The following NRG1 variants were observed in gnomAD, a reference collection of about 807,000 sequenced individuals.
The protein encoded by NRG1 is pro-neuregulin-1, membrane-bound isoform.
Under a neutral mutation model 63.8 loss-of-function variants are expected in NRG1, and 18 were observed. That is an observed-to-expected ratio of 0.28 (90% CI 0.19 to 0.42). The LOEUF (loss-of-function observed/expected upper bound fraction) is 0.42. Ranked by LOEUF, NRG1 falls within the 10% of genes least tolerant of loss-of-function variation. The pLI, the probability that NRG1 is intolerant of heterozygous loss-of-function variation, is 1.00. For missense variants in NRG1, 762 were observed against 814.7 expected, an observed-to-expected ratio of 0.94 and a Z score of 0.79; for synonymous variants, 302 against 301.3, an observed-to-expected ratio of 1.00 and a Z score of -0.02.
chr8:32,559,716 G>T (rs11777396), intron 1 of NRG1, among the ~76,000 whole-genome samples: 30,211 of 151,768 alleles, frequency 0.2, 3,828 homozygotes, highest in Admixed American at 0.33. Context: ...GTGTTTCAAG[G>T]CCATGCATGG....
chr8:32,718,597 G>A (rs1819841642), intron 5 of NRG1, among the ~76,000 whole-genome samples: 1 of 152,066 alleles, frequency 6.6e-6, no homozygotes, highest in Admixed American at 6.6e-5. Flanking sequence ...TGGTATGGTT[G>A]CATTATTATT....
chr8:32,019,705 A>G (rs1563686593), intron 1 of NRG1, among the ~76,000 whole-genome samples: 1 of 152,182 alleles, frequency 6.6e-6, no homozygotes. Context: ...ACTTTTAATT[A>G]TGATATGCAA....
chr8:31,773,061 C>A (rs541267189), intron 1 of NRG1, among the ~76,000 whole-genome samples: 21 of 152,182 alleles, frequency 1.4e-4, no homozygotes, highest in Non-Finnish European at 2.2e-4. Flanking sequence ...GAAGTCTACT[C>A]TAATGCAGAA....
chr8:31,893,728 CTT>C (rs1831334877), intron 1 of NRG1, among the ~76,000 whole-genome samples: 2 of 151,838 alleles, frequency 1.3e-5, no homozygotes, highest in East Asian at 3.9e-4. Flanking sequence ...TAATAGCTGA[CTT>C]GTGGTCTGTA....
At position 32,680,387 on chromosome 8, in the gene NRG1, T is replaced by C. The variant is rs529982728; in HGVS notation, c.503-47562T>C. Among the ~76,000 whole-genome samples, 10 of 152,300 alleles carry C rather than the reference T, an allele frequency of 6.6e-5. No homozygotes were observed. In the East Asian group the frequency reaches 1.9e-3, roughly 29 times the overall value. On this transcript the variant is annotated intron_variant, in intron 5 of 11. Transcript: ENST00000356819. ...CTAAAACCAGGAAAGTCCAGGCAAG[T>C]GCTGAGTGGATCAGGCTACATAGAT...
At chr8:32,694,131 G>A (rs1419548200) in intron 5 of NRG1, among the ~76,000 whole-genome samples, 1 of 152,088 alleles carries the variant, frequency 6.6e-6, no homozygotes, top group Non-Finnish European at 1.5e-5. Flanking sequence ...GAGGGTAGAT[G>A]GTCTTCTAAC....
At chr8:31,926,824 C>A (rs776389) in intron 1 of NRG1, among the ~76,000 whole-genome samples, 125,121 of 152,022 alleles carry the variant, frequency 0.82, 52,407 homozygotes, top group Non-Finnish European at 0.9. Flanking sequence ...TTCTATGTGG[C>A]TTCATCACTG....
chr8:31,724,839 C>T (rs1014827854), intron 1 of NRG1, among the ~76,000 whole-genome samples: 4 of 152,028 alleles, frequency 2.6e-5, no homozygotes, highest in African/African-American at 7.2e-5. Context: ...TTGTAAATTA[C>T]AGCATTCTAG....
At chr8:32,249,919 T>C (rs1244769624) in intron 1 of NRG1, among the ~76,000 whole-genome samples, 2 of 151,958 alleles carry the variant, frequency 1.3e-5, no homozygotes, top group Non-Finnish European at 1.5e-5. Flanking sequence ...TGGGGTTCTA[T>C]AGGGGCAAGA....
chr8:32,004,503 G>A (rs1419828141), intron 1 of NRG1, among the ~76,000 whole-genome samples: 1 of 151,576 alleles, frequency 6.6e-6, no homozygotes, highest in Non-Finnish European at 1.5e-5. Flanking sequence ...GGAGGGTGGG[G>A]GCTGGGGGAA....
At chr8:31,696,107 G>C (rs542153000) in intron 1 of NRG1, among the ~76,000 whole-genome samples, 1 of 152,012 alleles carries the variant, frequency 6.6e-6, no homozygotes, top group African/African-American at 2.4e-5. Context: ...TTACTCTGTC[G>C]CCCAGGCTGG....
At chr8:32,185,989 G>C (rs2132143345) in intron 1 of NRG1, among the ~76,000 whole-genome samples, 2 of 152,264 alleles carry the variant, frequency 1.3e-5, no homozygotes, top group Middle Eastern at 6.8e-3. Flanking sequence ...TTACTGTTCT[G>C]AGGTTAGATC....
rs886860094 is a variant in NRG1, at chr8:31,815,855, G to T, written c.37+176424G>T. 5.3e-5 allele frequency among the ~76,000 whole-genome samples: 8 copies of T among 151,852 alleles called. 1 individual carries two copies. Among genetic ancestry groups the T allele is most frequent in the Middle Eastern group, 6.8e-3 (2 of 294 alleles). Reference sequence around the variant, plus strand: ...TTCTGAGTTTTTTTTTCTTTTGTTAGTAATGGGTGTGAGTGGTATCTCATA... The same window carrying T: ...TTCTGAGTTTTTTTTTCTTTTGTTATTAATGGGTGTGAGTGGTATCTCATA... On this transcript the variant is annotated intron_variant, in intron 1 of 10. Coordinates refer to the NRG1 transcript ENST00000519301.
In NRG1 at chr8:31,921,989, T is replaced by C. The variant is rs140099233; in HGVS notation, c.37+282558T>C. The stretch of plus-strand genomic sequence containing the variant: ...CAGCTGATGTTTCCCTGAACACACA[T>C]TGTGATCATTTACTATTTCCTAAGT... On this transcript the variant is annotated intron_variant, in intron 1 of 10. Coordinates refer to the NRG1 transcript ENST00000519301. 3.9e-4 allele frequency among the ~76,000 whole-genome samples: 60 copies of C among 152,292 alleles called. 1 individual carries two copies. Among genetic ancestry groups the C allele is most frequent in the African/African-American group, 1.3e-3 (54 of 41,560 alleles).
chr8:32,025,806 G>A (rs1427993638), intron 1 of NRG1, among the ~76,000 whole-genome samples: 1 of 151,440 alleles, frequency 6.6e-6, no homozygotes, highest in Non-Finnish European at 1.5e-5. Context: ...AAATTAGCCG[G>A]GCCTGGTGGC....
chr8:32,369,473 G>A lies in NRG1; in HGVS notation c.38-226355G>A, dbSNP rs369281744. Among the ~76,000 whole-genome samples, 179 of 152,360 alleles carry A rather than the reference G, an allele frequency of 1.2e-3. 1 individual carries two copies. The highest frequency in any genetic ancestry group is 3.3e-3 in the South Asian group (16 of 4,834). The stretch of plus-strand genomic sequence containing the variant: ...ACTGTTCTCTGAGAACAGGTATTGA[G>A]AAGAAGATGGTTTCCTCTTGGAACT... On this transcript the variant is annotated intron_variant, in intron 1 of 10. Coordinates refer to the NRG1 transcript ENST00000519301.
chr8:32,735,354 T>C (rs1824747333), intron 6 of NRG1, among the ~76,000 whole-genome samples: 1 of 152,222 alleles, frequency 6.6e-6, no homozygotes, highest in Non-Finnish European at 1.5e-5. Context: ...TATTCAACGT[T>C]GTATTCATAA....
chr8:31,926,653 T>A (rs1200217843), intron 1 of NRG1, among the ~76,000 whole-genome samples: 3 of 152,180 alleles, frequency 2.0e-5, no homozygotes, highest in Non-Finnish European at 1.5e-5. Flanking sequence ...CAGGCCCTTT[T>A]CAGCTCCAAT....
intron 1 of NRG1, among the ~76,000 whole-genome samples, chr8:32,470,250 G>A (rs990958255): frequency 2.7e-4 from 39 of 146,322 alleles, no homozygotes; most frequent in South Asian, 8.6e-4. Flanking sequence ...GCGCCATCTC[G>A]GCTCACTGCA....
Sources: allele counts gnomAD v4.1 joint callset (sites outside exome capture counted in the v4.1 genomes callset), GRCh38; gene constraint gnomAD v4.1.1; transcripts MANE v1.5; gene names NCBI Gene and HGNC (gene_info 2026-07-23, HGNC 2026-07-21).